HMGA2: variants seen among roughly 807,000 people sequenced by gnomAD.
The protein encoded by HMGA2 is high mobility group AT-hook 2, also known as high mobility group protein HMGI-C.
HMGA2 carries 8 observed loss-of-function variants against 19.1 expected under a neutral mutation model. The observed-to-expected ratio is 0.42, with a 90% CI of 0.25 to 0.76. The LOEUF (loss-of-function observed/expected upper bound fraction) is 0.76, where lower values mean the gene tolerates loss of function less well. Ranked by LOEUF, HMGA2 falls within the 30% of genes least tolerant of loss-of-function variation. The pLI, the probability that HMGA2 is intolerant of heterozygous loss-of-function variation, is 0.28. For synonymous variants in HMGA2, 60 were observed against 48.8 expected (o/e 1.23, Z -0.96); for missense variants, 109 against 136.3 (o/e 0.80, Z 1.00).
In HMGA2 at chr12:65,884,783, C is replaced by T. The variant is rs1006545723; in HGVS notation, c.249+46214C>T. 4.6e-5 allele frequency among the ~76,000 whole-genome samples: 7 copies of T among 152,046 alleles called. No individual in the cohort carries two copies. In the South Asian group the frequency reaches 6.2e-4, roughly 14 times the overall value. On this transcript the variant is annotated intron_variant, in intron 3 of 4. Transcript: ENST00000403681. ...GAATCATTACCTGTATGAACTTGGA[C>T]GCGTTTCTTAATCTATCTGGGCCTT...
intron 3 of HMGA2, among the ~76,000 whole-genome samples, chr12:65,893,080 G>A (rs1410737434): frequency 1.3e-5 from 2 of 152,204 alleles, no homozygotes; most frequent in East Asian, 1.9e-4. Context: ...ACTGCACCCC[G>A]GTCACAGGCT....
At chr12:65,831,501 C>A (rs1870476368) in intron 2 of HMGA2, among the ~76,000 whole-genome samples, 1 of 151,556 alleles carries the variant, frequency 6.6e-6, no homozygotes, top group Non-Finnish European at 1.5e-5. Context: ...TTCATCATGT[C>A]ATATATTTGT....
At chr12:65,900,013 T>C (rs143045522) in intron 3 of HMGA2, among the ~76,000 whole-genome samples, 17 of 152,368 alleles carry the variant, frequency 1.1e-4, no homozygotes, top group African/African-American at 3.8e-4. Context: ...GAATATTTTG[T>C]ACTTTTAAAA....
At chr12:65,952,143 T>TA (rs1054912731) in intron 4 of HMGA2, 2 of 495,446 alleles carry the variant, frequency 4.0e-6, no homozygotes, top group African/African-American at 3.8e-5. Context: ...GAGCCAGTAT[T>TA]AAAGTATAAG....
At chr12:65,956,804 C>T (rs1876618654) in intron 4 of HMGA2, 1 of 152,066 alleles carries the variant, frequency 6.6e-6, no homozygotes, top group Non-Finnish European at 1.5e-5. Flanking sequence ...CTTCATATTG[C>T]AGAATTTTCC....
At chr12:65,883,529 C>T (rs74766769) in intron 3 of HMGA2, among the ~76,000 whole-genome samples, 1,819 of 152,288 alleles carry the variant, frequency 0.012, 36 homozygotes, top group African/African-American at 0.041. Flanking sequence ...TTCAAGATCA[C>T]TCAGCTAATA....
intron 3 of HMGA2, among the ~76,000 whole-genome samples, chr12:65,930,713 T>C (rs1004275896): frequency 2.0e-5 from 3 of 152,212 alleles, no homozygotes; most frequent in Non-Finnish European, 4.4e-5. Flanking sequence ...TTCCTTAATA[T>C]ATTGTTTTTG....
At chr12:65,932,332 C>G (rs1240597522) in intron 3 of HMGA2, among the ~76,000 whole-genome samples, 1 of 152,172 alleles carries the variant, frequency 6.6e-6, no homozygotes, top group Non-Finnish European at 1.5e-5. Flanking sequence ...TATGAATTCA[C>G]TGTAATTTTA....
chr12:65,855,456 T>TCACA lies in HMGA2; in HGVS notation c.249+16888_249+16889insACAC, dbSNP rs1377421146. ...CTTTCTCTTTCTCTCTCTCTCTCTC[T>TCACA]CTCACACACACACACACACACACAC... is the stretch of plus-strand genomic sequence containing the variant. On this transcript the variant is annotated intron_variant, in intron 3 of 4. Coordinates refer to ENST00000403681, the MANE Select transcript of HMGA2 (RefSeq NM_003483.6). Among the ~76,000 whole-genome samples the TCACA allele has an allele frequency of 6.1e-3, 324 of 52,846 alleles. 1 individual carries two copies. In the Middle Eastern group the frequency reaches 0.067, roughly 11 times the overall value. 34.7% of individuals were successfully genotyped at this position (52,846 alleles called of 152,430 possible). A position where few individuals can be genotyped will look rare whatever the true frequency, so the allele number is the denominator to read the frequency against.
At chr12:65,881,727 A>C in intron 3 of HMGA2, 1 of 703,030 alleles carries the variant, frequency 1.4e-6, no homozygotes, top group Non-Finnish European at 2.6e-6. Flanking sequence ...CTGACTCCGC[A>C]CACATTCCCT....
chr12:65,836,753 T>C (rs1403054572), intron 2 of HMGA2, among the ~76,000 whole-genome samples: 10 of 152,206 alleles, frequency 6.6e-5, no homozygotes, highest in Non-Finnish European at 1.0e-4. Flanking sequence ...AATGATTCCT[T>C]TGTGGAGCCA....
chr12:65,931,502 C>T (rs1034371065), intron 3 of HMGA2, among the ~76,000 whole-genome samples: 1 of 151,170 alleles, frequency 6.6e-6, no homozygotes, highest in Admixed American at 6.6e-5. Context: ...AACTGCTCTA[C>T]TTATCAAGGG....
chr12:65,933,064 C>G (rs1019192580), intron 3 of HMGA2, among the ~76,000 whole-genome samples: 2 of 151,980 alleles, frequency 1.3e-5, no homozygotes, highest in African/African-American at 4.8e-5. Flanking sequence ...AGGAGCATTC[C>G]TTATCACTTT....
intron 3 of HMGA2, among the ~76,000 whole-genome samples, chr12:65,886,163 A>G (rs1873647431): frequency 6.6e-6 from 1 of 152,140 alleles, no homozygotes; most frequent in African/African-American, 2.4e-5. Context: ...TATATTATAT[A>G]TGTTGGTTTA....
At chr12:65,921,778 C>G (rs1875323423) in intron 3 of HMGA2, among the ~76,000 whole-genome samples, 1 of 152,268 alleles carries the variant, frequency 6.6e-6, no homozygotes, top group Middle Eastern at 3.4e-3. Context: ...CCTGGAGATC[C>G]AGGAGAAAAA....
chr12:65,930,466 G>T (rs571839679), intron 3 of HMGA2, among the ~76,000 whole-genome samples: 1 of 152,316 alleles, frequency 6.6e-6, no homozygotes, highest in African/African-American at 2.4e-5. Flanking sequence ...AGAGTTTGCG[G>T]GGAGCTTGGC....
chr12:65,856,276 G>C (rs1365890080), intron 3 of HMGA2: 1 of 152,212 alleles, frequency 6.6e-6, no homozygotes, highest in Non-Finnish European at 1.5e-5. Context: ...GTATTAAAAT[G>C]TTGGTCTGTG....
At chr12:65,889,124 T>G (rs992599360) in intron 3 of HMGA2, among the ~76,000 whole-genome samples, 2 of 152,240 alleles carry the variant, frequency 1.3e-5, no homozygotes, top group African/African-American at 4.8e-5. Context: ...ATATTAGTTG[T>G]GCCCATTTTA....
rs548219430 is a variant in HMGA2, at chr12:65,917,918, G to A, written c.250-33465G>A. Among the ~76,000 whole-genome samples, 8 of 152,336 alleles carry A rather than the reference G, an allele frequency of 5.3e-5. 1 individual carries two copies. The highest frequency in any genetic ancestry group is 1.9e-4 in the African/African-American group (8 of 41,568). On this transcript the variant is annotated intron_variant, in intron 3 of 4. Transcript: ENST00000403681. Reference sequence around the variant, plus strand: ...CTTTATTCTTGATAACAGGTGGAGAGAAAGAAAGCAGGTTTTCAGTAATTT... The same window carrying A: ...CTTTATTCTTGATAACAGGTGGAGAAAAAGAAAGCAGGTTTTCAGTAATTT...
Sources: allele counts gnomAD v4.1 joint callset (sites outside exome capture counted in the v4.1 genomes callset), GRCh38; gene constraint gnomAD v4.1.1; transcripts MANE v1.5; gene names NCBI Gene and HGNC (gene_info 2026-07-23, HGNC 2026-07-21).